The following ATP9B variants were observed in gnomAD, a reference collection of about 807,000 sequenced individuals.
ATP9B encodes the protein ATPase phospholipid transporting 9B.
A neutral mutation model predicts 146.1 loss-of-function variants in ATP9B; 110 were observed. The ratio of observed to expected loss-of-function variants is 0.75; its 90% confidence interval spans 0.65 to 0.88. The LOEUF (loss-of-function observed/expected upper bound fraction) is 0.88. Among genes scored for constraint, ATP9B ranks in the 40% least tolerant of loss-of-function variants. The pLI is 0.00. For synonymous variants in ATP9B, 604 were observed against 569.7 expected (o/e 1.06, Z -0.86); for missense variants, 1,499 against 1,496.4 (o/e 1.00, Z -0.03).
At chr18:79,311,574 G>C (rs563742389) in intron 15 of ATP9B, among the ~76,000 whole-genome samples, 2 of 152,126 alleles carry the variant, frequency 1.3e-5, no homozygotes, top group Admixed American at 1.3e-4. Flanking sequence ...TCTTTTTGTT[G>C]TTTAGTCAAG....
intron 26 of ATP9B, among the ~76,000 whole-genome samples, chr18:79,366,836 T>C (rs2147931166): frequency 6.6e-6 from 1 of 152,314 alleles, no homozygotes; most frequent in African/African-American, 2.4e-5. Context: ...CTGAAACTTC[T>C]TGTGGAGCAA....
chr18:79,117,513 A>G (rs542675752), intron 4 of ATP9B: 2 of 152,208 alleles, frequency 1.3e-5, no homozygotes, highest in African/African-American at 2.4e-5. Context: ...GCAGAGGAGT[A>G]ATTGCAGAAG....
rs781448227 is a variant in ATP9B at position 79,277,058 on chromosome 18, C to T, written c.1273C>T (p.Arg425Cys). 10 of 1,613,714 alleles carry T rather than the reference C, an allele frequency of 6.2e-6. No individual in the cohort carries two copies. Among genetic ancestry groups the T allele is most frequent in the East Asian group, 2.2e-5 (1 of 44,882 alleles). ...GCAATGGGTTTTATTTGGCAGTTTGCGTGTGAACTTGGACATGGGCAAAGC... is the reference window on the plus strand; with the variant it reads ...GCAATGGGTTTTATTTGGCAGTTTGTGTGTGAACTTGGACATGGGCAAAGC... ...LFSYIIPISL[R>C]VNLDMGKAVY... is the part of the protein sequence containing the mutation. Residue 425 changes from arginine (R) to cysteine (C), a missense_variant, in exon 13 of 30, where the codon CGT (arginine) becomes TGT (cysteine). Physicochemically the swap from Arg to Cys is radical, Grantham distance 180. Coordinates refer to ENST00000426216, the MANE Select transcript of ATP9B (RefSeq NM_198531.5).
intron 7 of ATP9B, among the ~76,000 whole-genome samples, chr18:79,162,695 A>C (rs2094901791): frequency 6.6e-6 from 1 of 152,208 alleles, no homozygotes; most frequent in South Asian, 2.1e-4. Flanking sequence ...AATCGTATGA[A>C]TGATTTAAAA....
chr18:79,284,000 C>G (rs2096407095), intron 13 of ATP9B, among the ~76,000 whole-genome samples: 1 of 152,214 alleles, frequency 6.6e-6, no homozygotes, highest in Non-Finnish European at 1.5e-5. Flanking sequence ...AAAACACCCA[C>G]TAAAACAACA....
At chr18:79,196,857 A>G (rs1242324073) in intron 9 of ATP9B, among the ~76,000 whole-genome samples, 1 of 152,244 alleles carries the variant, frequency 6.6e-6, no homozygotes, top group Admixed American at 6.5e-5. Context: ...GAATGAGGTG[A>G]AGAAAGATGC....
At chr18:79,361,771 C>T (rs1451080040) in intron 26 of ATP9B, 2 of 985,444 alleles carry the variant, frequency 2.0e-6, no homozygotes, top group Non-Finnish European at 2.4e-6. Flanking sequence ...CAGCACTCTG[C>T]GTTGTTGTCT....
intron 11 of ATP9B, among the ~76,000 whole-genome samples, chr18:79,230,971 C>T (rs560766991): frequency 2.0e-5 from 3 of 152,020 alleles, no homozygotes; most frequent in Non-Finnish European, 2.9e-5. Flanking sequence ...CATGTAGAAG[C>T]CTCATCTCTC....
At chr18:79,293,096 G>A (rs62099513) in intron 13 of ATP9B, among the ~76,000 whole-genome samples, 2,776 of 150,996 alleles carry the variant, frequency 0.018, 35 homozygotes, top group South Asian at 0.053. Context: ...TAATGCTATG[G>A]AGAAAGAACA....
chr18:79,273,458 G>A (rs1297990589), intron 12 of ATP9B, among the ~76,000 whole-genome samples: 1 of 152,206 alleles, frequency 6.6e-6, no homozygotes, highest in African/African-American at 2.4e-5. Flanking sequence ...TTTACGATCT[G>A]TAGGAAAAGA....
chr18:79,120,018 T>A (rs2094161086), intron 4 of ATP9B, among the ~76,000 whole-genome samples: 1 of 152,204 alleles, frequency 6.6e-6, no homozygotes, highest in South Asian at 2.1e-4. Context: ...AAGGAAACTA[T>A]TTAAAATAAT....
intron 1 of ATP9B, chr18:79,085,019 A>T (rs201455658): frequency 2.1e-5 from 3 of 141,636 alleles, no homozygotes; most frequent in Non-Finnish European, 4.7e-5. Context: ...AAAAAAAAAA[A>T]GGTTTAATTG....
At chr18:79,072,427 G>C (rs950663016) in intron 1 of ATP9B, among the ~76,000 whole-genome samples, 4 of 152,236 alleles carry the variant, frequency 2.6e-5, no homozygotes, top group Admixed American at 6.5e-5. Context: ...ATTTAACCTG[G>C]AGTTGACACA....
chr18:79,347,752 C>A lies in ATP9B; in HGVS notation c.2683-18C>A. 6.6e-7 allele frequency: 1 copy of A among 1,524,988 alleles called. No homozygotes were observed. The highest frequency in any genetic ancestry group is 1.3e-5 in the South Asian group (1 of 78,042). The allele number at this position is 1,524,988 out of a possible 1,614,324, so 94.5% of individuals were successfully genotyped here. On this transcript the variant is annotated intron_variant, in intron 23 of 29. Coordinates refer to ENST00000426216, the MANE Select transcript of ATP9B (RefSeq NM_198531.5). ...GCGTCCGCCATGTTTGAAAAGGCCC[C>A]GTGTGCTTTTCTCTCAGGAGGGTAA...
chr18:79,273,757 T>C (rs897109229), intron 12 of ATP9B, among the ~76,000 whole-genome samples: 1 of 152,190 alleles, frequency 6.6e-6, no homozygotes, highest in East Asian at 1.9e-4. Flanking sequence ...CTTCAAATTT[T>C]TCAGAGTCCA....
intron 7 of ATP9B, among the ~76,000 whole-genome samples, chr18:79,166,638 C>T (rs1261383757): frequency 6.6e-6 from 1 of 152,224 alleles, no homozygotes; most frequent in Non-Finnish European, 1.5e-5. Context: ...TGTGAGAGGT[C>T]TCTAAGCCAC....
At chr18:79,132,275 G>A (rs1286209189) in intron 5 of ATP9B, among the ~76,000 whole-genome samples, 1 of 152,160 alleles carries the variant, frequency 6.6e-6, no homozygotes, top group East Asian at 1.9e-4. Flanking sequence ...AGCCATCATT[G>A]CTGGTCATCT....
intron 15 of ATP9B, among the ~76,000 whole-genome samples, chr18:79,327,554 AGCGTGCTCTCCGTGGTT>A (rs879770725): frequency 0.043 from 5,517 of 127,416 alleles, 556 homozygotes; most frequent in South Asian, 0.054. Flanking sequence ...CTCCGTGGTT[AGCGTGCTCTCCGTGGTT>A]AGCGTGCTCT....
chr18:79,158,753 A>C (rs867879473), intron 7 of ATP9B, among the ~76,000 whole-genome samples: 6 of 152,238 alleles, frequency 3.9e-5, no homozygotes, highest in Non-Finnish European at 8.8e-5. Context: ...AAAATGTCCT[A>C]ACATACTGGG....
Sources: allele counts gnomAD v4.1 joint callset (sites outside exome capture counted in the v4.1 genomes callset), GRCh38; gene constraint gnomAD v4.1.1; transcripts MANE v1.5; gene names NCBI Gene and HGNC (gene_info 2026-07-23, HGNC 2026-07-21).